Variants in CPA6 observed in about 807,000 individuals in gnomAD.
CPA6 encodes carboxypeptidase A6.
Under a neutral mutation model 63.3 loss-of-function variants are expected in CPA6, and 58 were observed. The ratio of observed to expected loss-of-function variants is 0.92; its 90% CI spans 0.74 to 1.14. CPA6 has a LOEUF of 1.14. CPA6 is among the 50% of genes most tolerant of loss of function. The pLI is 0.00. For missense variants in CPA6, 565 were observed against 526.6 expected (o/e 1.07, Z -0.71); for synonymous variants, 185 against 179.0 (o/e 1.03, Z -0.27).
chr8:67,603,789 C>T lies in CPA6; in HGVS notation c.192+20387G>A, dbSNP rs574027328. Among the ~76,000 whole-genome samples the T allele has an allele frequency of 6.2e-4, 94 of 152,336 alleles. 1 individual carries two copies. Among genetic ancestry groups the T allele is most frequent in the South Asian group, 2.9e-3 (14 of 4,818 alleles). ...AGGTTATTTCTAAAACTTCTCTTTG[C>T]TAACCCCAGATCAAACTAAAACTGC... On this transcript the variant is annotated intron_variant, in intron 2 of 10. Coordinates refer to ENST00000297770, the MANE Select transcript of CPA6 (RefSeq NM_020361.5).
At chr8:67,654,918 T>C (rs997834586) in intron 1 of CPA6, among the ~76,000 whole-genome samples, 5 of 152,184 alleles carry the variant, frequency 3.3e-5, no homozygotes, top group Non-Finnish European at 7.4e-5. Flanking sequence ...TTTCTATTGC[T>C]CGCTCTGAAA....
intron 8 of CPA6, among the ~76,000 whole-genome samples, chr8:67,455,479 A>T (rs1400455204): frequency 6.6e-6 from 1 of 152,032 alleles, no homozygotes. Flanking sequence ...AGAAGAAGAT[A>T]AAAAAGGTGA....
At chr8:67,621,992 T>C (rs1370848625) in intron 2 of CPA6, among the ~76,000 whole-genome samples, 1 of 152,244 alleles carries the variant, frequency 6.6e-6, no homozygotes, top group Non-Finnish European at 1.5e-5. Flanking sequence ...TATGATGATT[T>C]CTGAGAGTTT....
intron 6 of CPA6, among the ~76,000 whole-genome samples, chr8:67,488,432 C>A (rs917870974): frequency 2.0e-5 from 3 of 152,118 alleles, no homozygotes; most frequent in Admixed American, 6.6e-5. Context: ...TGGTACCAGT[C>A]CCATGCTGTT....
chr8:67,573,674 C>G lies in CPA6; in HGVS notation c.192+50502G>C, dbSNP rs562183341. 3.9e-5 allele frequency among the ~76,000 whole-genome samples: 6 copies of G among 151,914 alleles called. No individual in the cohort carries two copies. The South Asian group carries it at 1.2e-3, about 32-fold the overall frequency. On this transcript the variant is annotated intron_variant, in intron 2 of 10. Coordinates refer to ENST00000297770, the MANE Select transcript of CPA6 (RefSeq NM_020361.5). ...TTGGGAGGCCGAGGAGGGCGGATCA[C>G]GAGGTCAGGAGATTGAGACCATCCT... is the stretch of plus-strand genomic sequence containing the variant.
At chr8:67,724,958 T>C (rs1563409496) in intron 1 of CPA6, among the ~76,000 whole-genome samples, 1 of 152,344 alleles carries the variant, frequency 6.6e-6, no homozygotes, top group East Asian at 1.9e-4. Context: ...CATTCTGTGT[T>C]AACAAGTTAT....
chr8:67,537,779 A>AG (rs1331508378), intron 2 of CPA6, among the ~76,000 whole-genome samples: 1 of 152,122 alleles, frequency 6.6e-6, no homozygotes, highest in Non-Finnish European at 1.5e-5. Context: ...TTGTGATGTT[A>AG]GGGTGTTGAA....
intron 6 of CPA6, among the ~76,000 whole-genome samples, chr8:67,493,728 C>A (rs80004809): frequency 6.6e-6 from 1 of 152,058 alleles, no homozygotes; most frequent in African/African-American, 2.4e-5. Flanking sequence ...AGACAGCAGA[C>A]GAATATTGTG....
At chr8:67,700,652 C>T (rs1817005092) in intron 1 of CPA6, among the ~76,000 whole-genome samples, 1 of 152,156 alleles carries the variant, frequency 6.6e-6, no homozygotes, top group African/African-American at 2.4e-5. Context: ...ATCTTTCCTT[C>T]CAGCAACTTT....
rs145021353 is a variant in CPA6 at position 67,492,384 on chromosome 8, C to T, written c.637-7595G>A. On this transcript the variant is annotated intron_variant, in intron 6 of 10. Coordinates refer to ENST00000297770, the MANE Select transcript of CPA6 (RefSeq NM_020361.5). ...TGAAGAGACAAGTATGGCAATCTGCCAAGGCAAATTTTTTATGAAAGATGC... is the reference window on the plus strand; with the variant it reads ...TGAAGAGACAAGTATGGCAATCTGCTAAGGCAAATTTTTTATGAAAGATGC... 5.8e-3 allele frequency among the ~76,000 whole-genome samples: 885 copies of T among 151,816 alleles called. 13 individuals carry two copies. Among genetic ancestry groups the T allele is most frequent in the East Asian group, 0.029 (151 of 5,164 alleles).
chr8:67,695,157 A>G (rs1816889810), intron 1 of CPA6, among the ~76,000 whole-genome samples: 1 of 152,070 alleles, frequency 6.6e-6, no homozygotes, highest in Non-Finnish European at 1.5e-5. Flanking sequence ...CATTCATTAG[A>G]TGCCACTCAG....
intron 6 of CPA6, among the ~76,000 whole-genome samples, chr8:67,500,621 T>A (rs757714754): frequency 9.2e-5 from 14 of 152,096 alleles, no homozygotes; most frequent in Non-Finnish European, 1.8e-4. Flanking sequence ...TGGTTTTAGA[T>A]CCTGAAGATT....
chr8:67,522,340 A>G (rs1812276662), intron 2 of CPA6, among the ~76,000 whole-genome samples: 1 of 152,132 alleles, frequency 6.6e-6, no homozygotes, highest in South Asian at 2.1e-4. Flanking sequence ...GTGGCTCAAT[A>G]AAATTTTTCT....
intron 10 of CPA6, 40 bp from the exon 11 acceptor site, chr8:67,422,731 A>G: frequency 1.3e-6 from 2 of 1,496,374 alleles, no homozygotes; most frequent in Non-Finnish European, 1.8e-6. Flanking sequence ...AGCCTCACTA[A>G]AGAGTCAGTA....
chr8:67,543,112 C>T (rs998242539), intron 2 of CPA6, among the ~76,000 whole-genome samples: 1 of 152,284 alleles, frequency 6.6e-6, no homozygotes, highest in Non-Finnish European at 1.5e-5. Context: ...TATGGCTAAT[C>T]CAGTTTTTCT....
chr8:67,585,963 AC>A (rs77359037), intron 2 of CPA6, among the ~76,000 whole-genome samples: 60,976 of 151,804 alleles, frequency 0.4, 13,156 homozygotes, highest in East Asian at 0.53. Context: ...CTATGGGCTC[AC>A]TCATAGTTTG....
At chr8:67,584,008 AC>A (rs1225895329) in intron 2 of CPA6, among the ~76,000 whole-genome samples, 2 of 151,882 alleles carry the variant, frequency 1.3e-5, no homozygotes, top group South Asian at 4.2e-4. Flanking sequence ...ATACAAAAAA[AC>A]TTTCTGGGCA....
At chr8:67,599,030 T>G (rs545600053) in intron 2 of CPA6, among the ~76,000 whole-genome samples, 1 of 152,324 alleles carries the variant, frequency 6.6e-6, no homozygotes, top group South Asian at 2.1e-4. Flanking sequence ...ATACTTAATA[T>G]TAGCATGGTA....
At chr8:67,555,355 C>T (rs561428771) in intron 2 of CPA6, among the ~76,000 whole-genome samples, 6 of 152,246 alleles carry the variant, frequency 3.9e-5, no homozygotes, top group East Asian at 1.9e-4. Context: ...TAATCAATCA[C>T]GTCTACATAA....
Sources: allele counts gnomAD v4.1 joint callset (sites outside exome capture counted in the v4.1 genomes callset), GRCh38; gene constraint gnomAD v4.1.1; transcripts MANE v1.5; gene names NCBI Gene and HGNC (gene_info 2026-07-23, HGNC 2026-07-21).